Variants in ASL observed in about 807,000 individuals in gnomAD.
The protein encoded by ASL is argininosuccinate lyase, also known as argininosuccinase.
Under a neutral mutation model 69.1 loss-of-function variants are expected in ASL, and 51 were observed. That is an observed-to-expected ratio of 0.74 (90% CI 0.59 to 0.93). The LOEUF is 0.93. Among genes scored for constraint, ASL ranks in the 40% least tolerant of loss-of-function variants. ASL has a pLI of 0.00. For synonymous variants in ASL, 241 were observed against 247.6 expected (o/e 0.97, Z 0.25); for missense variants, 540 against 623.9 (o/e 0.87, Z 1.43).
At chr7:66,078,702 T>G (rs921294622) in intron 2 of ASL, among the ~76,000 whole-genome samples, 5 of 128,660 alleles carry the variant, frequency 3.9e-5, no homozygotes, top group Non-Finnish European at 5.5e-5. Flanking sequence ...TGGCGCCATC[T>G]CTGCTCACCG....
At position 66,086,785 on chromosome 7, in the gene ASL, A is replaced by G. The variant is rs756363516; in HGVS notation, c.566A>G (p.Glu189Gly). The change falls in exon 8 of 17, where the codon GAG (glutamate) becomes GGG (glycine). Residue 189 changes from glutamate to glycine, a missense_variant. Physicochemically the swap from Glu to Gly is moderately conservative, Grantham distance 98 (BLOSUM62 -2). Coordinates refer to ENST00000304874, the MANE Select transcript of ASL (RefSeq NM_000048.4). ...ACCCGAGACTCTGAGCGGCTGCTGG[A>G]GGTGCGGAAGCGGATCAATGTCCTG... ...ALTRDSERLL[E>G]VRKRINVLPL... 1.0e-5 allele frequency: 16 copies of G among 1,593,438 alleles called. No individual in the cohort carries two copies. The highest frequency in any genetic ancestry group is 1.3e-5 in the Non-Finnish European group (15 of 1,170,708).
chr7:66,089,132 G>A lies in ASL; in HGVS notation c.875G>A (p.Ser292Asn), dbSNP rs1786762663. 1 of 1,613,778 alleles carries A rather than the reference G, an allele frequency of 6.2e-7. No individual in the cohort carries two copies. Among genetic ancestry groups the A allele is most frequent in the Non-Finnish European group, 8.5e-7 (1 of 1,179,930 alleles). The change falls in exon 12 of 17, where the codon AGT becomes AAT. Residue 292 changes from serine to asparagine, a missense_variant. Ser to Asn is a conservative substitution (Grantham distance 46, BLOSUM62 1). Transcript: ENST00000304874. ...SLMPQKKNPD[S>N]LELIRSKAGR... is the part of the protein sequence containing the mutation. Reference sequence around the variant, plus strand: ...ATGCCCCAGAAGAAAAACCCCGACAGTTTGGAGCTGATCCGGAGCAAGGCT... The same window carrying A: ...ATGCCCCAGAAGAAAAACCCCGACAATTTGGAGCTGATCCGGAGCAAGGCT...
chr7:66,089,764 G>A (rs1327375370), intron 14 of ASL, 69 bp downstream of exon 14: 2 of 1,550,516 alleles, frequency 1.3e-6, no homozygotes, highest in African/African-American at 1.4e-5. Flanking sequence ...CGGGGAGGGT[G>A]GCCTTGGGAG....
chr7:66,077,498 G>T (rs1427873662), intron 2 of ASL, among the ~76,000 whole-genome samples: 2 of 148,518 alleles, frequency 1.3e-5, no homozygotes, highest in African/African-American at 2.4e-5. Flanking sequence ...GGAGGTCGAG[G>T]TGGGCAGATC....
Position 66,089,440 on chromosome 7 carries a change from G to T in ASL, c.978+105G>T. ...ATTGCCATACATCCTCCCATCCTGT[G>T]CACACAGCTCCATCCGTGGCTGCCC... On this transcript the variant is annotated intron_variant, in intron 13 of 16. Coordinates refer to ENST00000304874, the MANE Select transcript of ASL (RefSeq NM_000048.4). 24 of 1,481,310 alleles carry T rather than the reference G, an allele frequency of 1.6e-5. No homozygotes were observed. In the South Asian group the frequency reaches 2.8e-4, roughly 17 times the overall value. The allele number at this position is 1,481,310 out of a possible 1,614,324, so 91.8% of individuals were successfully genotyped here.
intron 14 of ASL, 117 bp downstream of exon 14, chr7:66,089,812 G>A: frequency 9.0e-7 from 1 of 1,116,610 alleles, no homozygotes; most frequent in Non-Finnish European, 1.3e-6. Context: ...GGCAGGGAAG[G>A]AGAGGTGTGC....
chr7:66,084,771 C>G (rs538398829), intron 6 of ASL, among the ~76,000 whole-genome samples: 3 of 152,286 alleles, frequency 2.0e-5, no homozygotes, highest in East Asian at 3.9e-4. Context: ...AGGTGCCCAC[C>G]ACCACGCCCG....
intron 2 of ASL, among the ~76,000 whole-genome samples, chr7:66,078,128 T>C (rs1786399560): frequency 6.6e-6 from 1 of 152,162 alleles, no homozygotes; most frequent in African/African-American, 2.4e-5. Context: ...TAGTTATTTT[T>C]ATTACTAACA....
chr7:66,091,903 C>T lies in ASL; in HGVS notation c.1063-103C>T. ...CAGAGCCGAGTGGGTAAGAGAGTATCTGCCCAAGGCAGGGATGTCCTGGCA... is the reference window on the plus strand; with the variant it reads ...CAGAGCCGAGTGGGTAAGAGAGTATTTGCCCAAGGCAGGGATGTCCTGGCA... On this transcript the variant is annotated intron_variant, in intron 14 of 16. Transcript: ENST00000304874. 3 of 1,183,288 alleles carry T rather than the reference C, an allele frequency of 2.5e-6. No individual in the cohort carries two copies. The Admixed American group carries it at 5.1e-5, about 20-fold the overall frequency. 73.3% of individuals were successfully genotyped at this position (1,183,288 alleles called of 1,614,324 possible).
intron 15 of ASL, 94 bp from the exon 16 acceptor site, chr7:66,092,463 A>G: frequency 1.2e-5 from 5 of 410,580 alleles, no homozygotes; most frequent in African/African-American, 1.0e-4. Flanking sequence ...GTCAAAAAGA[A>G]AAAAAAAAAA....
rs768082084 is a variant in ASL at position 66,091,968 on chromosome 7, G to A, written c.1063-38G>A. The stretch of plus-strand genomic sequence containing the variant: ...GGGCCTGGCAGCTTCAGATCCCAGG[G>A]TCCCCAGGGCTCACCACTCGCCCAC... On this transcript the variant is annotated intron_variant, in intron 14 of 16. Transcript: ENST00000304874. The A allele has an allele frequency of 6.2e-6, 10 of 1,609,852 alleles. No homozygotes were observed. The East Asian group carries it at 1.8e-4, about 29-fold the overall frequency.
chr7:66,080,220 A>C (rs144683317), intron 2 of ASL, among the ~76,000 whole-genome samples: 1,912 of 151,528 alleles, frequency 0.013, 37 homozygotes, highest in African/African-American at 0.043. Context: ...TCTACTGAAA[A>C]AAAAAAATAC....
chr7:66,081,651 T>C (rs1318030169), intron 2 of ASL, 152 bp from the exon 3 acceptor site: 1 of 861,726 alleles, frequency 1.2e-6, no homozygotes, highest in Non-Finnish European at 1.8e-6. Context: ...GGGTGGTGAC[T>C]CTGGGAAGGT....
chr7:66,083,841 A>T (rs1180931015), intron 6 of ASL, among the ~76,000 whole-genome samples: 1 of 151,906 alleles, frequency 6.6e-6, no homozygotes, highest in African/African-American at 2.4e-5. Context: ...TCGCCTCCCC[A>T]TCCAGCCCAT....
chr7:66,088,581 G>A (rs1383493106), intron 10 of ASL, among the ~76,000 whole-genome samples: 2 of 152,280 alleles, frequency 1.3e-5, no homozygotes, highest in East Asian at 3.9e-4. Flanking sequence ...AACACGCTAG[G>A]TGCAATGGCT....
At chr7:66,086,418 T>C (rs1440839962) in intron 6 of ASL, among the ~76,000 whole-genome samples, 167 bp from the exon 7 acceptor site, 2 of 152,196 alleles carry the variant, frequency 1.3e-5, no homozygotes, top group African/African-American at 4.8e-5. Flanking sequence ...CAGCTTCTTT[T>C]GCCCTTAAGA....
At chr7:66,091,835 A>T (rs1786851570) in intron 14 of ASL, 171 bp from the exon 15 acceptor site, 25 of 691,634 alleles carry the variant, frequency 3.6e-5, no homozygotes, top group South Asian at 3.4e-4. Context: ...ACATGTAAAT[A>T]TTATCGATAA....
chr7:66,077,060 T>C (rs1295172516), intron 2 of ASL, among the ~76,000 whole-genome samples: 2 of 152,106 alleles, frequency 1.3e-5, no homozygotes, highest in Non-Finnish European at 2.9e-5. Context: ...ATTTGTGAAA[T>C]AGGGGTAATA....
Position 66,092,828 on chromosome 7 carries a change from T to C in ASL, c.1311T>C (p.Tyr437=), listed in dbSNP as rs932494060. The C allele has an allele frequency of 2.5e-6, 4 of 1,613,776 alleles. No individual in the cohort carries two copies. The Admixed American group carries it at 5.0e-5, about 20-fold the overall frequency. ...ACTACGGGCACAGTGTGGAGCAGTA[T>C]GGTGCCCTGGGCGGCACTGCGCGCT... The part of the protein sequence containing the change: ...VWDYGHSVEQ[Y]GALGGTARSS... The change falls in exon 17 of 17, where the codon TAT becomes TAC. Residue 437 remains tyrosine, a synonymous_variant. Coordinates refer to ENST00000304874, the MANE Select transcript of ASL (RefSeq NM_000048.4).
Sources: gnomAD v4.1 joint callset for allele counts (sites outside exome capture counted in the v4.1 genomes callset) on GRCh38, gnomAD v4.1.1 for gene constraint, MANE v1.5 for transcripts, NCBI Gene and HGNC (gene_info 2026-07-23, HGNC 2026-07-21) for gene names.